Variants in C12orf42 observed in about 807,000 individuals in gnomAD.
C12orf42 encodes the protein chromosome 12 open reading frame 42.
Under a neutral mutation model 21.6 loss-of-function variants are expected in C12orf42, and 25 were observed. That is an observed-to-expected ratio of 1.16 (90% CI 0.84 to 1.62). C12orf42 has a LOEUF of 1.62. C12orf42 is among the 40% of genes most tolerant of loss of function. The pLI, the probability that C12orf42 is intolerant of heterozygous loss-of-function variation, is 0.00. For missense variants in C12orf42, 483 were observed against 459.3 expected, an observed-to-expected ratio of 1.05 and a Z score of -0.47; for synonymous variants, 174 against 175.0, an observed-to-expected ratio of 0.99 and a Z score of 0.05.
intron 3 of C12orf42, among the ~76,000 whole-genome samples, chr12:103,380,326 T>G (rs1333220717): frequency 1.3e-5 from 2 of 152,322 alleles, no homozygotes; most frequent in East Asian, 3.9e-4. Context: ...TTGAGGTCAC[T>G]GCATAAACAG....
intron 3 of C12orf42, among the ~76,000 whole-genome samples, chr12:103,384,233 T>C (rs991450304): frequency 2.6e-5 from 4 of 152,148 alleles, no homozygotes; most frequent in Non-Finnish European, 5.9e-5. Context: ...ATTAAATGAC[T>C]GCTTACATGC....
chr12:103,210,312 G>A, the C12orf42 span, among the ~76,000 whole-genome samples: 154 of 152,190 alleles, frequency 1.0e-3, 1 homozygote, highest in African/African-American at 3.3e-3. Context: ...TTATCTTGAA[G>A]CAATCATTTC....
At chr12:103,164,494 T>G in the C12orf42 span, 2 of 451,564 alleles carry the variant, frequency 4.4e-6, no homozygotes, top group South Asian at 3.1e-5. Context: ...GTGAGTACAT[T>G]TCTTTATTTG....
At chr12:103,190,320 A>G in the C12orf42 span, among the ~76,000 whole-genome samples, 3 of 152,156 alleles carry the variant, frequency 2.0e-5, no homozygotes, top group African/African-American at 7.2e-5. Context: ...TTCTAGCTTC[A>G]CTGGCTGCTG....
intron 4 of C12orf42, among the ~76,000 whole-genome samples, chr12:103,341,004 T>G (rs1354613416): frequency 6.6e-6 from 1 of 150,484 alleles, no homozygotes; most frequent in Non-Finnish European, 1.5e-5. Flanking sequence ...TCCCAGCTAC[T>G]TGGGAGGCTG....
chr12:103,461,797 T>G lies in C12orf42; in HGVS notation c.78+16552A>C, dbSNP rs567162545. Among the ~76,000 whole-genome samples the G allele has an allele frequency of 6.7e-4, 102 of 152,264 alleles. 2 individuals carry two copies. In the South Asian group the frequency reaches 0.011, roughly 16 times the overall value. The stretch of plus-strand genomic sequence containing the variant: ...GCACTTAACCATTCAGAATCTCCAT[T>G]TCTACAACTAGAAAACTGGTCATAA... On this transcript the variant is annotated intron_variant, in intron 2 of 5. Transcript: ENST00000548883.
chr12:103,072,386 A>G, the C12orf42 span, among the ~76,000 whole-genome samples: 1 of 152,050 alleles, frequency 6.6e-6, no homozygotes, highest in African/African-American at 2.4e-5. Flanking sequence ...ATCTATTCTC[A>G]TTAATCTCGG....
At chr12:103,376,115 A>G (rs1256192924) in intron 3 of C12orf42, among the ~76,000 whole-genome samples, 1 of 152,226 alleles carries the variant, frequency 6.6e-6, no homozygotes, top group Non-Finnish European at 1.5e-5. Flanking sequence ...ACACACGTTT[A>G]GTGCAGCACT....
At chr12:103,219,068 G>A in the C12orf42 span, among the ~76,000 whole-genome samples, 1 of 152,126 alleles carries the variant, frequency 6.6e-6, no homozygotes, top group Non-Finnish European at 1.5e-5. Context: ...AGACAGAACT[G>A]TTCATTCCCC....
chr12:103,308,614 G>C (rs922087260), intron 4 of C12orf42, among the ~76,000 whole-genome samples: 2 of 152,190 alleles, frequency 1.3e-5, no homozygotes, highest in Admixed American at 6.5e-5. Context: ...GATTGGGTGA[G>C]GTGTTAAGCA....
chr12:103,196,247 G>C, the C12orf42 span, among the ~76,000 whole-genome samples: 7 of 152,116 alleles, frequency 4.6e-5, no homozygotes. Flanking sequence ...TGTTTTGGGA[G>C]ATCTTCTTGC....
intron 4 of C12orf42, chr12:103,277,332 T>G (rs1256869608): frequency 1.2e-5 from 3 of 256,812 alleles, no homozygotes; most frequent in African/African-American, 4.7e-5. Flanking sequence ...GTAACTATAT[T>G]TTCCAAAAAA....
At chr12:103,200,622 T>C in the C12orf42 span, among the ~76,000 whole-genome samples, 8 of 152,214 alleles carry the variant, frequency 5.3e-5, no homozygotes, top group Admixed American at 1.3e-4. Flanking sequence ...TAATTATGTA[T>C]GTTGAATTTG....
chr12:103,440,469 A>G lies in C12orf42; in HGVS notation c.78+37880T>C, dbSNP rs1951142501. On this transcript the variant is annotated intron_variant, in intron 2 of 5. Transcript: ENST00000548883. Reference sequence around the variant, plus strand: ...GCCTCACAGATACCAAAAAAAAAAAAAAAAAAAAAAGAAACTCCTACTCTG... The same window carrying G: ...GCCTCACAGATACCAAAAAAAAAAAGAAAAAAAAAAGAAACTCCTACTCTG... Among the ~76,000 whole-genome samples the G allele has an allele frequency of 2.7e-5, 4 of 146,166 alleles. No homozygotes were observed. The South Asian group carries it at 8.4e-4, about 31-fold the overall frequency.
the C12orf42 span, among the ~76,000 whole-genome samples, chr12:103,140,137 T>C: frequency 1.1e-4 from 17 of 152,206 alleles, no homozygotes; most frequent in African/African-American, 3.9e-4. Context: ...GAATTGTCCT[T>C]GGCAAGATCG....
chr12:103,429,263 C>T (rs1467693186), intron 2 of C12orf42, among the ~76,000 whole-genome samples: 6 of 152,250 alleles, frequency 3.9e-5, no homozygotes, highest in Non-Finnish European at 5.9e-5. Flanking sequence ...TAAGCAACTT[C>T]AGCAAAGTCT....
At chr12:103,360,791 G>A (rs147605611) in intron 4 of C12orf42, among the ~76,000 whole-genome samples, 38 of 152,222 alleles carry the variant, frequency 2.5e-4, no homozygotes, top group African/African-American at 9.1e-4. Flanking sequence ...CATCAAAGCC[G>A]TGAAATATGA....
At chr12:103,142,742 T>C in the C12orf42 span, among the ~76,000 whole-genome samples, 2 of 152,196 alleles carry the variant, frequency 1.3e-5, no homozygotes, top group Admixed American at 1.3e-4. Context: ...TTTCTCTATA[T>C]GTCTCAAAGA....
At chr12:103,466,085 T>G (rs1304022126) in intron 2 of C12orf42, among the ~76,000 whole-genome samples, 1 of 152,170 alleles carries the variant, frequency 6.6e-6, no homozygotes. Context: ...CTTTGCCAGC[T>G]TTTGGTATCA....
Sources: gnomAD v4.1 joint callset for allele counts (sites outside exome capture counted in the v4.1 genomes callset) on GRCh38, gnomAD v4.1.1 for gene constraint, MANE v1.5 for transcripts, NCBI Gene and HGNC (gene_info 2026-07-23, HGNC 2026-07-21) for gene names.